TACC2: variants seen among roughly 807,000 people sequenced by gnomAD.
TACC2 encodes the protein transforming acidic coiled-coil-containing protein 2.
A neutral mutation model predicts 227.3 loss-of-function variants in TACC2; 137 were observed. The observed-to-expected ratio is 0.60, with a 90% CI of 0.52 to 0.69. The LOEUF is 0.69. Ranked by LOEUF, TACC2 falls within the 30% of genes least tolerant of loss-of-function variation. TACC2 has a pLI of 0.00. For missense variants in TACC2, 3,470 were observed against 3,694.4 expected, an observed-to-expected ratio of 0.94 and a Z score of 1.57; for synonymous variants, 1,523 against 1,487.5, an observed-to-expected ratio of 1.02 and a Z score of -0.55.
intron 5 of TACC2, among the ~76,000 whole-genome samples, chr10:122,112,753 AG>A (rs2083838975): frequency 1.3e-5 from 2 of 152,238 alleles, no homozygotes; most frequent in East Asian, 1.9e-4. Context: ...GTCATGACTC[AG>A]AGACTCCTGG....
intron 13 of TACC2, 35 bp downstream of exon 13, chr10:122,226,516 G>A: frequency 6.8e-7 from 1 of 1,474,070 alleles, no homozygotes; most frequent in Admixed American, 1.7e-5. Flanking sequence ...TACACATCAT[G>A]CTGGATGTTC....
At chr10:121,993,453 TC>T (rs1430548177) in intron 1 of TACC2, among the ~76,000 whole-genome samples, 1 of 152,220 alleles carries the variant, frequency 6.6e-6, no homozygotes, top group African/African-American at 2.4e-5. Flanking sequence ...CTTTCCCTGC[TC>T]CCGAGTCCAC....
intron 3 of TACC2, among the ~76,000 whole-genome samples, chr10:122,056,932 C>T (rs909194369): frequency 7.9e-5 from 12 of 152,224 alleles, no homozygotes; most frequent in African/African-American, 2.9e-4. Context: ...TGACTCATGC[C>T]TATAATCCCA....
In TACC2 at chr10:122,086,539, G is replaced by A; in HGVS notation, c.4039G>A (p.Ala1347Thr). ...CAAGCAGGCAACAGGGGAAGAGAAA[G>A]CAGCAACAGCTCCAGGTGCAGGTGC... ...KGKQATGEEK[A>T]ATAPGAGAKA... Residue 1347 changes from alanine to threonine, a missense_variant, in exon 4 of 23, where the codon GCA (alanine) becomes ACA (threonine). By Grantham distance (58) the Ala-to-Thr change is moderately conservative (BLOSUM62 0). Around this residue, in one of 10 missense-constraint regions of TACC2, gnomAD observed 1,924 missense variants for 1,978.3 expected, o/e 0.97. Transcript: ENST00000369005. The A allele has an allele frequency of 1.9e-6, 3 of 1,609,086 alleles. No individual in the cohort carries two copies. Among genetic ancestry groups the A allele is most frequent in the Non-Finnish European group, 2.5e-6 (3 of 1,177,492 alleles).
chr10:122,152,568 G>A (rs2092148301), intron 7 of TACC2, among the ~76,000 whole-genome samples: 1 of 152,174 alleles, frequency 6.6e-6, no homozygotes, highest in African/African-American at 2.4e-5. Flanking sequence ...ATAAACGCGT[G>A]TTGACACGGC....
rs930801970 is a variant in TACC2, at chr10:122,227,956, A to G, written c.7844A>G (p.Gln2615Arg). The change falls in exon 14 of 23, where the codon CAG becomes CGG. Residue 2615 changes from glutamine to arginine, a missense_variant. Physicochemically the swap from Gln to Arg is conservative, Grantham distance 43 (BLOSUM62 1). Transcript: ENST00000369005. Reference sequence around the variant, plus strand: ...TTGCAGGTGCCAGAGAAATCCTCCCAGAAGGAGCTGGAGGCCATGGGCTTG... The same window carrying G: ...TTGCAGGTGCCAGAGAAATCCTCCCGGAAGGAGCTGGAGGCCATGGGCTTG... ...SHLQVPEKSS[Q>R]KELEAMGLGT... 5 of 1,614,228 alleles carry G rather than the reference A, an allele frequency of 3.1e-6. No individual in the cohort carries two copies. Among genetic ancestry groups the G allele is most frequent in the Non-Finnish European group, 4.2e-6 (5 of 1,180,042 alleles).
chr10:122,244,846 T>C (rs1222994257), intron 19 of TACC2, among the ~76,000 whole-genome samples: 3 of 152,266 alleles, frequency 2.0e-5, no homozygotes, highest in Non-Finnish European at 2.9e-5. Context: ...ACATCAGTCC[T>C]GCCGTTGTTA....
Position 122,086,981 on chromosome 10 carries a change from C to T in TACC2, c.4481C>T (p.Ser1494Leu), listed in dbSNP as rs781520600. 6.2e-7 allele frequency: 1 copy of T among 1,613,952 alleles called. No homozygotes were observed. Among genetic ancestry groups the T allele is most frequent in the South Asian group, 1.1e-5 (1 of 91,088 alleles). The change falls in exon 4 of 23, where the codon TCA (serine) becomes TTA (leucine). Residue 1494 changes from serine (S) to leucine (L), a missense_variant. Physicochemically the swap from Ser to Leu is moderately radical, Grantham distance 145. Around this residue, in one of 10 missense-constraint regions of TACC2, gnomAD observed 1,924 missense variants for 1,978.3 expected, o/e 0.97. Transcript: ENST00000369005. ...CATCTGGCTCTGCAAGATCCAGCTTCAGACAAGCTTCTGGGTCCAGCAGGG... is the reference window on the plus strand; with the variant it reads ...CATCTGGCTCTGCAAGATCCAGCTTTAGACAAGCTTCTGGGTCCAGCAGGG... ...ISHLALQDPA[S>L]DKLLGPAGLT...
chr10:122,056,647 CA>C (rs2076238448), intron 3 of TACC2, among the ~76,000 whole-genome samples: 1 of 152,110 alleles, frequency 6.6e-6, no homozygotes, highest in African/African-American at 2.4e-5. Context: ...GGTCTCCTGG[CA>C]GGGGTGGAGG....
chr10:122,008,964 T>C (rs957722892), intron 1 of TACC2, among the ~76,000 whole-genome samples: 2 of 152,212 alleles, frequency 1.3e-5, no homozygotes, highest in African/African-American at 2.4e-5. Context: ...GAATTTTCTA[T>C]GTTTGGGTAT....
chr10:122,005,561 T>C (rs1346993495), intron 1 of TACC2, among the ~76,000 whole-genome samples: 2 of 149,870 alleles, frequency 1.3e-5, no homozygotes, highest in East Asian at 4.0e-4. Flanking sequence ...ATTTTTTGTA[T>C]TTTTAGTAGA....
chr10:122,028,199 C>A (rs1461471011), intron 2 of TACC2, among the ~76,000 whole-genome samples: 1 of 143,692 alleles, frequency 7.0e-6, no homozygotes, highest in Admixed American at 7.4e-5. Context: ...AAGCGATTCT[C>A]CTGCCTCAGC....
At chr10:122,234,660 G>GGGGTC (rs1349963817) in intron 16 of TACC2, among the ~76,000 whole-genome samples, 2 of 152,164 alleles carry the variant, frequency 1.3e-5, no homozygotes, top group Non-Finnish European at 2.9e-5. Flanking sequence ...CCGGGATGAA[G>GGGGTC]GGGTCAGTGA....
At chr10:122,107,878 A>ATTTT (rs1204393563) in intron 5 of TACC2, among the ~76,000 whole-genome samples, 142 of 88,400 alleles carry the variant, frequency 1.6e-3, no homozygotes, top group Non-Finnish European at 2.3e-3. Context: ...ATATATATAT[A>ATTTT]TATTTTTTTT....
intron 1 of TACC2, among the ~76,000 whole-genome samples, chr10:122,020,797 T>C (rs1957238226): frequency 6.6e-6 from 1 of 152,170 alleles, no homozygotes; most frequent in Non-Finnish European, 1.5e-5. Flanking sequence ...TTTTCTGTAA[T>C]TTAGTTTTTC....
chr10:122,086,811 A>G lies in TACC2; in HGVS notation c.4311A>G (p.Ala1437=), dbSNP rs1166667485. The G allele has an allele frequency of 1.2e-6, 2 of 1,613,826 alleles. No homozygotes were observed. The highest frequency in any genetic ancestry group is 8.5e-7 in the Non-Finnish European group (1 of 1,179,992). Residue 1437 remains alanine, a synonymous_variant, in exon 4 of 23, where the codon GCA becomes GCG. Coordinates refer to ENST00000369005, the MANE Select transcript of TACC2 (RefSeq NM_206862.4). ...AAAAGGCAGGAGCTGGGAGGAGTGCAGTGGGTAAAGACCTCACCAGGCCAT... is the reference window on the plus strand; with the variant it reads ...AAAAGGCAGGAGCTGGGAGGAGTGCGGTGGGTAAAGACCTCACCAGGCCAT... ...PGEKAGAGRS[A]VGKDLTRPLG...
At chr10:122,013,388 C>A (rs1238442320) in intron 1 of TACC2, among the ~76,000 whole-genome samples, 1 of 152,188 alleles carries the variant, frequency 6.6e-6, no homozygotes, top group Non-Finnish European at 1.5e-5. Flanking sequence ...CTTTCCTGGG[C>A]TACGGCTGTT....
chr10:122,158,978 G>A (rs1431241235), intron 7 of TACC2, among the ~76,000 whole-genome samples: 1 of 152,182 alleles, frequency 6.6e-6, no homozygotes, highest in Non-Finnish European at 1.5e-5. Flanking sequence ...GGAGACACCA[G>A]ACACAGACAC....
At chr10:121,991,619 G>T (rs1953029858) in intron 1 of TACC2, among the ~76,000 whole-genome samples, 2 of 152,218 alleles carry the variant, frequency 1.3e-5, no homozygotes, top group African/African-American at 4.8e-5. Flanking sequence ...CACTGTTGCT[G>T]TATGGTGGCA....
Sources: allele counts gnomAD v4.1 joint callset (sites outside exome capture counted in the v4.1 genomes callset), GRCh38; gene constraint gnomAD v4.1.1; regional missense constraint gnomAD v4.1.1; transcripts MANE v1.5; gene names NCBI Gene and HGNC (gene_info 2026-07-23, HGNC 2026-07-21).